Variants in VAX1 observed in about 807,000 individuals in gnomAD.
VAX1 encodes the protein ventral anterior homeobox 1.
A neutral mutation model predicts 17.6 loss-of-function variants in VAX1; 6 were observed. The ratio of observed to expected loss-of-function variants is 0.34; its 90% CI spans 0.19 to 0.67. The LOEUF is 0.67. Ranked by LOEUF, VAX1 falls within the 30% of genes least tolerant of loss-of-function variation. The pLI, the probability that VAX1 is intolerant of heterozygous loss-of-function variation, is 0.69. For synonymous variants in VAX1, 256 were observed against 227.4 expected (o/e 1.13, Z -1.13); for missense variants, 408 against 463.7 (o/e 0.88, Z 1.10).
rs1204446135 is a variant in VAX1, at chr10:117,137,090, C to G, written c.242-431G>C. ...CGTCCCCACCCCCACCCTCGAGTCT[C>G]CTTCCCTCCGGAGTCCGCGCGGCGG... On this transcript the variant is annotated intron_variant, in intron 1 of 2. Transcript: ENST00000369206. This position sits in a 1 kb window ranked among gnomAD's most constrained non-coding sequence, Gnocchi z 7.4. Among the ~76,000 whole-genome samples the G allele has an allele frequency of 1.1e-4, 17 of 151,786 alleles. No individual in the cohort carries two copies. The highest frequency in any genetic ancestry group is 1.5e-5 in the Non-Finnish European group (1 of 67,824).
chr10:117,135,397 C>A (rs1854159300), intron 2 of VAX1, among the ~76,000 whole-genome samples: 1 of 152,306 alleles, frequency 6.6e-6, no homozygotes, highest in Middle Eastern at 3.4e-3. Context: ...CTAACCTCCC[C>A]TCTCATTCTT....
At chr10:117,129,647 G>GGT (rs60617895), downstream of VAX1, 85,486 of 146,406 alleles carry the variant, frequency 0.58, 27,253 homozygotes, top group Middle Eastern at 0.74. Flanking sequence ...TTCAAGAAGG[G>GGT]GTGTGTGTGT....
downstream of VAX1, chr10:117,132,435 C>G: frequency 6.2e-7 from 1 of 1,612,484 alleles, no homozygotes; most frequent in Non-Finnish European, 8.5e-7. This position sits in a 1 kb window ranked among gnomAD's most constrained non-coding sequence, Gnocchi z 4.9. Context: ...TTCAGTGACA[C>G]CTACCCGCGT....
In VAX1 at chr10:117,137,911, CCCTGCGGCTCCTTGAGGAAGGCGG is replaced by C; in HGVS notation, c.122_145del (p.Ala41_Gln48del). ...AGCAGCGCCCGACGCTGAGAAGGCG[CCCTGCGGCTCCTTGAGGAAGGCGG>C]CTGGGAGGTTCCCCTCCGCGCCCTT... is the stretch of plus-strand genomic sequence containing the variant. On this transcript the variant is annotated inframe_deletion, in exon 1 of 3. Coordinates refer to ENST00000369206, the MANE Select transcript of VAX1 (RefSeq NM_001112704.2). The surrounding 1 kb of genome is among the most constrained non-coding windows in gnomAD (Gnocchi z 7.4). 1 of 1,613,886 alleles carries C rather than the reference CCCTGCGGCTCCTTGAGGAAGGCGG, an allele frequency of 6.2e-7. No homozygotes were observed.
intron 2 of VAX1, among the ~76,000 whole-genome samples, chr10:117,135,944 T>C (rs1168687031): frequency 6.6e-6 from 1 of 152,242 alleles, no homozygotes; most frequent in African/African-American, 2.4e-5. Context: ...CAGGGCAGCC[T>C]GATCTGCACA....
rs1184227644 is a variant in VAX1, at chr10:117,137,967, C to G, written c.90G>C (p.Arg30=). 7 of 1,613,828 alleles carry G rather than the reference C, an allele frequency of 4.3e-6. No individual in the cohort carries two copies. Among genetic ancestry groups the G allele is most frequent in the Admixed American group, 1.7e-5 (1 of 60,026 alleles). ...RVSKNAHKES[R]ESKGAEGNLP... is the part of the protein sequence containing the mutation. ...GGTTCCCCTCCGCGCCCTTGCTCTCCCGACTCTCCTTGTGCGCGTTCTTCG... is the reference window on the plus strand; with the variant it reads ...GGTTCCCCTCCGCGCCCTTGCTCTCGCGACTCTCCTTGTGCGCGTTCTTCG... The change falls in exon 1 of 3, where the codon CGG becomes CGC. Residue 30 remains arginine (R), a synonymous_variant. Transcript: ENST00000369206. The surrounding 1 kb of genome is among the most constrained non-coding windows in gnomAD (Gnocchi z 7.4).
Position 117,133,517 on chromosome 10 carries a change from C to T in VAX1, c.*491G>A. The T allele has an allele frequency of 8.1e-6, 8 of 985,626 alleles. No individual in the cohort carries two copies. The highest frequency in any genetic ancestry group is 9.6e-6 in the Non-Finnish European group (8 of 830,102). 61.1% of individuals were successfully genotyped at this position (985,626 alleles called of 1,614,324 possible). A position where few individuals can be genotyped will look rare whatever the true frequency, so the allele number is the denominator to read the frequency against. On this transcript the variant is annotated 3_prime_UTR_variant, in exon 3 of 3. Transcript: ENST00000369206. ...CAGGGGCTCCCACAAGCCCTGGTTTCCCTGGCAAGAGGAAGGAACGTCCTC... is the reference window on the plus strand; with the variant it reads ...CAGGGGCTCCCACAAGCCCTGGTTTTCCTGGCAAGAGGAAGGAACGTCCTC...
At chr10:117,129,198 A>G (rs1854053144), downstream of VAX1, 1 of 152,248 alleles carries the variant, frequency 6.6e-6, no homozygotes. Context: ...CATTTAATAC[A>G]GTACTTCTCA....
At chr10:117,132,513 G>A (rs1236635539), downstream of VAX1, 3 of 1,577,328 alleles carry the variant, frequency 1.9e-6, no homozygotes, top group Non-Finnish European at 1.7e-6. This position sits in a 1 kb window ranked among gnomAD's most constrained non-coding sequence, Gnocchi z 4.9. Flanking sequence ...GAGGGGGAGA[G>A]TTTCCGACGT....
chr10:117,137,898 C>T lies in VAX1; in HGVS notation c.159G>A (p.Ala53=), dbSNP rs1395537898. 2 of 1,613,880 alleles carry T rather than the reference C, an allele frequency of 1.2e-6. No homozygotes were observed. The highest frequency in any genetic ancestry group is 4.5e-5 in the East Asian group (2 of 44,840). ...TGTTACAATCCTCAGCAGCGCCCGA[C>T]GCTGAGAAGGCGCCCTGCGGCTCCT... ...FLKEPQGAFS[A]SGAAEDCNKS... The change falls in exon 1 of 3, where the codon GCG becomes GCA. Residue 53 remains alanine, a synonymous_variant. Coordinates refer to ENST00000369206, the MANE Select transcript of VAX1 (RefSeq NM_001112704.2). This position sits in a 1 kb window ranked among gnomAD's most constrained non-coding sequence, Gnocchi z 7.4.
rs1589947989 is a variant in VAX1, at chr10:117,137,759, G to C, written c.241+57C>G. ...CGGCCTGTGTCGGCGGCAGCGCGCA[G>C]CTCCGGCCCCGGAGTCGACCCCAAA... On this transcript the variant is annotated intron_variant, in intron 1 of 2. Coordinates refer to ENST00000369206, the MANE Select transcript of VAX1 (RefSeq NM_001112704.2). The surrounding 1 kb of genome is among the most constrained non-coding windows in gnomAD (Gnocchi z 7.4). 7.5e-6 allele frequency: 12 copies of C among 1,605,876 alleles called. No homozygotes were observed. The East Asian group carries it at 2.5e-4, about 33-fold the overall frequency.
rs954447470 is a variant in VAX1, at chr10:117,133,955, T to C, written c.*53A>G. The stretch of plus-strand genomic sequence containing the variant: ...TGGGCACCTAATGCGCGTGAGTCCA[T>C]AAATATCACCACAATAGATACTATA... On this transcript the variant is annotated 3_prime_UTR_variant, in exon 3 of 3. Coordinates refer to ENST00000369206, the MANE Select transcript of VAX1 (RefSeq NM_001112704.2). 9 of 1,461,272 alleles carry C rather than the reference T, an allele frequency of 6.2e-6. No homozygotes were observed. In the Admixed American group the frequency reaches 1.2e-4, roughly 20 times the overall value. The allele number at this position is 1,461,272 out of a possible 1,614,324, so 90.5% of individuals were successfully genotyped here.
chr10:117,132,377 A>G, downstream of VAX1: 2 of 1,611,236 alleles, frequency 1.2e-6, no homozygotes, highest in Non-Finnish European at 1.7e-6. This position sits in a 1 kb window ranked among gnomAD's most constrained non-coding sequence, Gnocchi z 4.9. Context: ...ACATAAATAC[A>G]AAACATCCAA....
intron 2 of VAX1, among the ~76,000 whole-genome samples, chr10:117,135,238 T>C (rs1236339027): frequency 1.3e-5 from 2 of 152,196 alleles, no homozygotes; most frequent in Non-Finnish European, 2.9e-5. Flanking sequence ...GGAGACTTTA[T>C]GTAGACCGAG....
Position 117,136,752 on chromosome 10 carries a change from G to A in VAX1, c.242-93C>T. The A allele has an allele frequency of 1.4e-6, 2 of 1,465,550 alleles. No homozygotes were observed. The highest frequency in any genetic ancestry group is 4.8e-5 in the Admixed American group (2 of 41,662). 90.8% of individuals were successfully genotyped at this position (1,465,550 alleles called of 1,614,324 possible). ...ATTTGGGGACACAGTCCCCAGAAGC[G>A]TGCAGTTTTGGGGATGGGGGGCGGG... On this transcript the variant is annotated intron_variant, in intron 1 of 2. Transcript: ENST00000369206. This position sits in a 1 kb window ranked among gnomAD's most constrained non-coding sequence, Gnocchi z 5.0.
At position 117,136,700 on chromosome 10, in the gene VAX1, C is replaced by G; in HGVS notation, c.242-41G>C. On this transcript the variant is annotated intron_variant, in intron 1 of 2. Transcript: ENST00000369206. The surrounding 1 kb of genome is among the most constrained non-coding windows in gnomAD (Gnocchi z 5.0). ...TGTCAGCCGCCAGAACCCTCCCGTC[C>G]CCCTCCACCTCCTTGGCCCGAGCTG... is the stretch of plus-strand genomic sequence containing the variant. 6.3e-7 allele frequency: 1 copy of G among 1,583,334 alleles called. No individual in the cohort carries two copies. The highest frequency in any genetic ancestry group is 8.6e-7 in the Non-Finnish European group (1 of 1,159,894).
rs765279998 is a variant in VAX1 at position 117,136,647 on chromosome 10, G to A, written c.254C>T (p.Ser85Phe). Residue 85 changes from serine to phenylalanine, a missense_variant, in exon 2 of 3, where the codon TCC (serine) becomes TTC (phenylalanine). Ser to Phe is a radical substitution (Grantham distance 155, BLOSUM62 -2). Transcript: ENST00000369206. This position sits in a 1 kb window ranked among gnomAD's most constrained non-coding sequence, Gnocchi z 5.0. ...RRILVRDAKG[S>F]IREIILPKGL... Reference sequence around the variant, plus strand: ...CTTGGGCAGGATGATCTCTCGGATGGACCCCTTGGCATCTGGGGAAGGGGA... The same window carrying A: ...CTTGGGCAGGATGATCTCTCGGATGAACCCCTTGGCATCTGGGGAAGGGGA... 1.2e-6 allele frequency: 2 copies of A among 1,604,604 alleles called. No individual in the cohort carries two copies. The highest frequency in any genetic ancestry group is 2.7e-5 in the African/African-American group (2 of 74,756).
downstream of VAX1, chr10:117,128,772 A>G (rs1259574970): frequency 6.6e-6 from 1 of 152,190 alleles, no homozygotes; most frequent in African/African-American, 2.4e-5. Flanking sequence ...TTCAAACAGA[A>G]GCTTTCAGTT....
At chr10:117,130,469 T>G (rs913785937), downstream of VAX1, 16 of 152,272 alleles carry the variant, frequency 1.1e-4, no homozygotes, top group African/African-American at 3.4e-4. Flanking sequence ...ATTTGGCGGT[T>G]GCTTTGTGCA....
Sources: gnomAD v4.1 joint callset for allele counts (sites outside exome capture counted in the v4.1 genomes callset) on GRCh38, gnomAD v4.1.1 for gene constraint, Gnocchi (gnomAD v3.1) non-coding constraint, MANE v1.5 for transcripts, NCBI Gene and HGNC (gene_info 2026-07-23, HGNC 2026-07-21) for gene names.